The following CRTAP variants were observed in gnomAD, a reference collection of about 807,000 sequenced individuals.
CRTAP encodes cartilage-associated protein.
CRTAP carries 33 observed loss-of-function variants against 42.7 expected under a neutral mutation model. The observed-to-expected ratio is 0.77, with a 90% CI of 0.59 to 1.03. CRTAP has a LOEUF of 1.03. Among genes scored for constraint, CRTAP ranks in the 50% least tolerant of loss-of-function variants. The pLI is 0.00. For missense variants in CRTAP, 613 were observed against 533.9 expected, an observed-to-expected ratio of 1.15 and a Z score of -1.46; for synonymous variants, 243 against 217.7, an observed-to-expected ratio of 1.12 and a Z score of -1.02.
At chr3:33,128,818 A>G (rs1248813256) in intron 3 of CRTAP, among the ~76,000 whole-genome samples, 1 of 152,154 alleles carries the variant, frequency 6.6e-6, no homozygotes, top group African/African-American at 2.4e-5. Context: ...TTTTGCTTCT[A>G]GCTGCATAAA....
At chr3:33,127,863 C>T (rs1486854013) in intron 3 of CRTAP, among the ~76,000 whole-genome samples, 2 of 152,182 alleles carry the variant, frequency 1.3e-5, no homozygotes, top group Non-Finnish European at 2.9e-5. Context: ...TCTCCTGCCT[C>T]AGCCTCCTGA....
At chr3:33,118,455 A>G (rs115109908) in intron 1 of CRTAP, among the ~76,000 whole-genome samples, 1 of 152,146 alleles carries the variant, frequency 6.6e-6, no homozygotes, top group African/African-American at 2.4e-5. Context: ...GGCATTCCCA[A>G]AACATCAGCA....
chr3:33,120,855 A>G (rs1000983682), intron 2 of CRTAP, among the ~76,000 whole-genome samples: 1 of 152,232 alleles, frequency 6.6e-6, no homozygotes, highest in Non-Finnish European at 1.5e-5. Flanking sequence ...GAGAAGGCAT[A>G]TATTTTTATA....
intron 4 of CRTAP, 55 bp from the exon 5 acceptor site, chr3:33,132,500 A>T: frequency 6.2e-7 from 1 of 1,610,348 alleles, no homozygotes; most frequent in Non-Finnish European, 8.5e-7. Flanking sequence ...GAAGCAGAGA[A>T]ATTATAGGGT....
chr3:33,124,128 T>C lies in CRTAP; in HGVS notation c.622-280T>C, dbSNP rs116418466. Among the ~76,000 whole-genome samples the C allele has an allele frequency of 3.0e-3, 454 of 152,334 alleles. 4 individuals carry two copies. Among genetic ancestry groups the C allele is most frequent in the African/African-American group, 0.011 (441 of 41,584 alleles). On this transcript the variant is annotated intron_variant, in intron 2 of 6. Transcript: ENST00000320954. Reference sequence around the variant, plus strand: ...ACCCCTGACTTCTGGCAGCCACTGATCTGATCTCTGTCATAGTTTTCCCAT... The same window carrying C: ...ACCCCTGACTTCTGGCAGCCACTGACCTGATCTCTGTCATAGTTTTCCCAT...
chr3:33,128,958 AT>A (rs1303108730), intron 3 of CRTAP, among the ~76,000 whole-genome samples: 2 of 152,222 alleles, frequency 1.3e-5, no homozygotes, highest in Non-Finnish European at 2.9e-5. Context: ...ACCTAGCTGC[AT>A]GGGAATTGTA....
At chr3:33,139,513 G>A (rs938348292) in intron 6 of CRTAP, among the ~76,000 whole-genome samples, 6 of 131,996 alleles carry the variant, frequency 4.5e-5, no homozygotes, top group African/African-American at 1.7e-4. Flanking sequence ...TTTCACTCTT[G>A]TTGCCTAGGC....
At position 33,114,408 on chromosome 3, in the gene CRTAP, G is replaced by T. The variant is rs1237951051; in HGVS notation, c.331G>T (p.Gly111Cys). 13 of 1,543,028 alleles carry T rather than the reference G, an allele frequency of 8.4e-6. No individual in the cohort carries two copies. The African/African-American group carries it at 1.7e-4, about 20-fold the overall frequency. The change falls in exon 1 of 7, where the codon GGC becomes TGC. Residue 111 changes from glycine (G) to cysteine (C), a missense_variant. By Grantham distance (159) the Gly-to-Cys change is radical (BLOSUM62 -3). Coordinates refer to ENST00000320954, the MANE Select transcript of CRTAP (RefSeq NM_006371.5). The stretch of plus-strand genomic sequence containing the variant: ...CTATCCCGAGCTGCGCCTCTTCGGG[G>T]GCCTGCTGCGCCGCGCGCACTGCCT... Reference protein sequence around the residue: ...ASYPELRLFGGLLRRAHCLKR... With the variant: ...ASYPELRLFGCLLRRAHCLKR...
intron 5 of CRTAP, 133 bp from the exon 6 acceptor site, chr3:33,134,049 A>G: frequency 1.4e-6 from 1 of 706,472 alleles, no homozygotes; most frequent in Non-Finnish European, 2.6e-6. Flanking sequence ...TCAGAGTTGT[A>G]CAGCCATTAC....
intron 1 of CRTAP, among the ~76,000 whole-genome samples, chr3:33,117,738 G>A (rs1701361078): frequency 1.3e-5 from 2 of 152,138 alleles, no homozygotes; most frequent in South Asian, 4.1e-4. Flanking sequence ...GGAACCCAAG[G>A]CAAGGTGGTT....
chr3:33,133,361 C>T (rs1219861206), intron 5 of CRTAP, among the ~76,000 whole-genome samples: 6 of 151,360 alleles, frequency 4.0e-5, no homozygotes, highest in Non-Finnish European at 7.4e-5. Flanking sequence ...TGGGTTCAAG[C>T]GATTCTCTTG....
chr3:33,143,325 C>T lies in CRTAP; in HGVS notation c.*877C>T, dbSNP rs1202132596. On this transcript the variant is annotated 3_prime_UTR_variant, in exon 7 of 7. Transcript: ENST00000320954. ...ACCAATTCTAGCACCCACTGAAAAACAAGTTGAGTAGAGAGTGTAGAGTGC... is the reference window on the plus strand; with the variant it reads ...ACCAATTCTAGCACCCACTGAAAAATAAGTTGAGTAGAGAGTGTAGAGTGC... The T allele has an allele frequency of 6.6e-6, 1 of 152,252 alleles. No homozygotes were observed. 9.4% of individuals were successfully genotyped at this position (152,252 alleles called of 1,614,324 possible).
At position 33,114,507 on chromosome 3, in the gene CRTAP, C is replaced by G. The variant is rs532846004; in HGVS notation, c.430C>G (p.Arg144Gly). 1 of 1,603,780 alleles carries G rather than the reference C, an allele frequency of 6.2e-7. No homozygotes were observed. Among genetic ancestry groups the G allele is most frequent in the Non-Finnish European group, 8.5e-7 (1 of 1,176,968 alleles). Residue 144 changes from arginine to glycine, a missense_variant, in exon 1 of 7, where the codon CGC (arginine) becomes GGC (glycine). By Grantham distance (125) the Arg-to-Gly change is moderately radical. Transcript: ENST00000320954. ...PSREVLADFQ[R>G]REPYKFLQFA... ...CCGCGAGGTGCTGGCGGACTTCCAG[C>G]GCCGCGAGCCCTACAAGTTCCTGCA...
At chr3:33,120,298 C>G (rs1254655546) in intron 1 of CRTAP, 46 bp from the exon 2 acceptor site, 2 of 1,529,144 alleles carry the variant, frequency 1.3e-6, no homozygotes, top group Admixed American at 1.7e-5. Context: ...ACAAAAATTA[C>G]CACTTAGCAT....
At chr3:33,121,977 C>T (rs1436698484) in intron 2 of CRTAP, among the ~76,000 whole-genome samples, 5 of 152,192 alleles carry the variant, frequency 3.3e-5, no homozygotes, top group Non-Finnish European at 7.3e-5. Context: ...GGACATATAG[C>T]TTGCTTCCCC....
intron 3 of CRTAP, among the ~76,000 whole-genome samples, chr3:33,126,035 T>G (rs1169118367): frequency 6.6e-6 from 1 of 152,218 alleles, no homozygotes; most frequent in Non-Finnish European, 1.5e-5. Flanking sequence ...ATTGACTACA[T>G]TCACATGATT....
At chr3:33,129,525 TTTTC>T (rs1269575636) in intron 3 of CRTAP, among the ~76,000 whole-genome samples, 3 of 145,142 alleles carry the variant, frequency 2.1e-5, no homozygotes, top group Non-Finnish European at 3.1e-5. Flanking sequence ...TTGAAAATAT[TTTTC>T]TTTTTCTTTT....
At position 33,143,509 on chromosome 3, in the gene CRTAP, C is replaced by T. The variant is rs1310451116; in HGVS notation, c.*1061C>T. ...TCTTTCAGTAAATATTTATTGAGTACCTACTGTGTGCTAGGCATTGACCTG... is the reference window on the plus strand; with the variant it reads ...TCTTTCAGTAAATATTTATTGAGTATCTACTGTGTGCTAGGCATTGACCTG... On this transcript the variant is annotated 3_prime_UTR_variant, in exon 7 of 7. Transcript: ENST00000320954. 1 of 150,078 alleles carries T rather than the reference C, an allele frequency of 6.7e-6. No individual in the cohort carries two copies. The highest frequency in any genetic ancestry group is 1.9e-4 in the East Asian group (1 of 5,188). 9.3% of individuals were successfully genotyped at this position (150,078 alleles called of 1,614,324 possible). A position where few individuals can be genotyped will look rare whatever the true frequency, so the allele number is the denominator to read the frequency against.
Position 33,114,457 on chromosome 3 carries a change from C to A in CRTAP, c.380C>A (p.Pro127Gln), listed in dbSNP as rs921862940. Reference protein sequence around the residue: ...HCLKRCKQGLPAFRQSQPSRE... With the variant: ...HCLKRCKQGLQAFRQSQPSRE... Reference sequence around the variant, plus strand: ...CTCAAGCGCTGCAAGCAGGGCCTGCCAGCCTTCCGCCAGTCCCAGCCCAGC... The same window carrying A: ...CTCAAGCGCTGCAAGCAGGGCCTGCAAGCCTTCCGCCAGTCCCAGCCCAGC... The change falls in exon 1 of 7, where the codon CCA becomes CAA. Residue 127 changes from proline (P) to glutamine (Q), a missense_variant. Coordinates refer to ENST00000320954, the MANE Select transcript of CRTAP (RefSeq NM_006371.5). The A allele has an allele frequency of 1.9e-6, 3 of 1,586,154 alleles. No homozygotes were observed. Among genetic ancestry groups the A allele is most frequent in the Non-Finnish European group, 2.6e-6 (3 of 1,168,484 alleles).
Sources: allele counts gnomAD v4.1 joint callset (sites outside exome capture counted in the v4.1 genomes callset), GRCh38; gene constraint gnomAD v4.1.1; transcripts MANE v1.5; gene names NCBI Gene and HGNC (gene_info 2026-07-23, HGNC 2026-07-21).